Variants in DPYD observed in about 807,000 individuals in gnomAD.
The protein encoded by DPYD is dihydropyrimidine dehydrogenase [NADP(+)].
DPYD carries 109 observed loss-of-function variants against 116.2 expected under a neutral mutation model. The ratio of observed to expected loss-of-function variants is 0.94; its 90% CI spans 0.80 to 1.10. The LOEUF is 1.10. DPYD is among the 50% of genes least tolerant of loss of function. The pLI is 0.00. For synonymous variants in DPYD, 440 were observed against 432.0 expected (o/e 1.02, Z -0.23); for missense variants, 1,302 against 1,254.5 (o/e 1.04, Z -0.57).
intron 20 of DPYD, among the ~76,000 whole-genome samples, chr1:97,107,573 T>C (rs1651262490): frequency 4.6e-5 from 7 of 152,092 alleles, no homozygotes; most frequent in Admixed American, 3.9e-4. Flanking sequence ...TATTAACTGA[T>C]CATGGCTATA....
intron 18 of DPYD, among the ~76,000 whole-genome samples, chr1:97,239,407 C>A (rs1056862640): frequency 6.6e-6 from 1 of 151,964 alleles, no homozygotes; most frequent in Admixed American, 6.6e-5. Flanking sequence ...CAATCAGGTT[C>A]CTTACTCAGT....
chr1:97,345,392 T>TC (rs113980828), intron 16 of DPYD, among the ~76,000 whole-genome samples: 8,362 of 152,032 alleles, frequency 0.055, 269 homozygotes, highest in Middle Eastern at 0.12. Flanking sequence ...TCTACATTTT[T>TC]GTATACCCTT....
At chr1:97,807,819 G>A (rs1351672182) in intron 3 of DPYD, among the ~76,000 whole-genome samples, 3 of 152,022 alleles carry the variant, frequency 2.0e-5, no homozygotes, top group Non-Finnish European at 4.4e-5. Context: ...TGTGAAAGGT[G>A]TTAGATCTGT....
chr1:97,242,829 A>C (rs1464504965), intron 18 of DPYD, among the ~76,000 whole-genome samples: 1 of 151,764 alleles, frequency 6.6e-6, no homozygotes, highest in African/African-American at 2.4e-5. Context: ...AACACAACAG[A>C]GTGAATAGGA....
At chr1:97,795,212 T>G (rs1667505692) in intron 3 of DPYD, among the ~76,000 whole-genome samples, 1 of 152,024 alleles carries the variant, frequency 6.6e-6, no homozygotes, top group Admixed American at 6.6e-5. Flanking sequence ...AAAATAATTA[T>G]TTTTAATTTC....
intron 3 of DPYD, among the ~76,000 whole-genome samples, chr1:97,781,739 A>C (rs966300696): frequency 6.6e-5 from 10 of 152,184 alleles, no homozygotes; most frequent in Non-Finnish European, 1.3e-4. Context: ...CTATCTTCTA[A>C]AGAAACCCTA....
Position 97,650,945 on chromosome 1 carries a change from C to T in DPYD, c.850+28150G>A, listed in dbSNP as rs186219928. Among the ~76,000 whole-genome samples, 153 of 152,092 alleles carry T rather than the reference C, an allele frequency of 1.0e-3. 2 individuals are homozygous for T. Among genetic ancestry groups the T allele is most frequent in the Non-Finnish European group, 1.5e-3 (101 of 67,978 alleles). On this transcript the variant is annotated intron_variant, in intron 8 of 22. Transcript: ENST00000370192. Reference sequence around the variant, plus strand: ...CTATTATTTGTCATATAACATGTCACCTAACTAAAAATTGTTCAATCATAA... The same window carrying T: ...CTATTATTTGTCATATAACATGTCATCTAACTAAAAATTGTTCAATCATAA...
intron 12 of DPYD, chr1:97,545,873 T>A (rs1481862386): frequency 9.3e-7 from 1 of 1,074,964 alleles, no homozygotes; most frequent in East Asian, 2.4e-5. Context: ...CTTAGACAGG[T>A]TTCTAATCAT....
chr1:97,305,416 T>C, intron 17 of DPYD, 38 bp from the exon 18 acceptor site: 2 of 1,611,244 alleles, frequency 1.2e-6, no homozygotes, highest in Non-Finnish European at 8.5e-7. Context: ...GCAGCTCTTA[T>C]AAGACACGAT....
intron 18 of DPYD, among the ~76,000 whole-genome samples, chr1:97,267,062 G>C (rs1037856759): frequency 5.9e-5 from 9 of 152,100 alleles, no homozygotes; most frequent in Non-Finnish European, 1.2e-4. Context: ...GGATCACTGG[G>C]TCAAATGGTA....
chr1:97,719,996 A>G (rs758916714), intron 5 of DPYD: 15 of 984,916 alleles, frequency 1.5e-5, no homozygotes, highest in African/African-American at 1.7e-5. Context: ...TCTGTTCTGA[A>G]GGCACATGTC....
intron 2 of DPYD, among the ~76,000 whole-genome samples, chr1:97,852,431 C>T (rs1051283601): frequency 6.6e-6 from 1 of 152,082 alleles, no homozygotes; most frequent in African/African-American, 2.4e-5. Flanking sequence ...CTCAACATCA[C>T]AGAGCTGGTA....
intron 18 of DPYD, among the ~76,000 whole-genome samples, chr1:97,246,099 T>G (rs969683636): frequency 1.3e-5 from 2 of 152,140 alleles, no homozygotes; most frequent in African/African-American, 4.8e-5. Flanking sequence ...TCTGAATCAA[T>G]GCTCACTCTA....
intron 21 of DPYD, among the ~76,000 whole-genome samples, chr1:97,090,041 T>G (rs968752254): frequency 2.6e-5 from 4 of 152,170 alleles, no homozygotes; most frequent in Non-Finnish European, 4.4e-5. Flanking sequence ...TAAAACCCAG[T>G]TATTTTCCTC....
intron 20 of DPYD, among the ~76,000 whole-genome samples, chr1:97,158,878 T>C (rs1391054798): frequency 1.3e-5 from 2 of 152,152 alleles, no homozygotes. Flanking sequence ...TGTACAGATA[T>C]TTCAGTCAGT....
chr1:97,699,568 A>T, intron 5 of DPYD, 21 bp from the exon 6 acceptor site: 1 of 1,612,030 alleles, frequency 6.2e-7, no homozygotes, highest in Non-Finnish European at 8.5e-7. Flanking sequence ...ATCAATTGTC[A>T]TGGTTAAAAT....
chr1:97,274,176 C>T (rs1026488845), intron 18 of DPYD, among the ~76,000 whole-genome samples: 10 of 152,038 alleles, frequency 6.6e-5, no homozygotes, highest in Non-Finnish European at 7.4e-5. Context: ...GAACCTAGAA[C>T]ATGATATGGT....
In DPYD at chr1:97,193,216, A is replaced by G; in HGVS notation, c.2475T>C (p.Thr825=). ...GGCCAGTGCAGTAGTCTTCGATCAC[A>G]GTGAAATCCTGATTCTGAATGGCAC... ...VCSAIQNQDF[T]VIEDYCTGLK... Residue 825 remains threonine, a synonymous_variant, in exon 20 of 23, where the codon ACT becomes ACC. Transcript: ENST00000370192. 1 of 1,613,860 alleles carries G rather than the reference A, an allele frequency of 6.2e-7. No individual in the cohort carries two copies.
chr1:97,902,629 T>A (rs1222916750), intron 1 of DPYD, among the ~76,000 whole-genome samples: 1 of 151,846 alleles, frequency 6.6e-6, no homozygotes, highest in East Asian at 1.9e-4. Flanking sequence ...CTTCCTACAC[T>A]TTCTCTGTCA....
Sources: gnomAD v4.1 joint callset for allele counts (sites outside exome capture counted in the v4.1 genomes callset) on GRCh38, gnomAD v4.1.1 for gene constraint, MANE v1.5 for transcripts, NCBI Gene and HGNC (gene_info 2026-07-23, HGNC 2026-07-21) for gene names.